The following BRINP3 variants were observed in gnomAD, a reference collection of about 807,000 sequenced individuals.
The protein encoded by BRINP3 is BMP/retinoic acid-inducible neural-specific protein 3.
A neutral mutation model predicts 71.0 loss-of-function variants in BRINP3; 19 were observed. That is an observed-to-expected ratio of 0.27 (90% CI 0.19 to 0.39). BRINP3 has a LOEUF of 0.39. BRINP3 is among the 10% of genes least tolerant of loss of function. BRINP3 has a pLI of 1.00. For missense variants in BRINP3, 959 were observed against 940.8 expected, an observed-to-expected ratio of 1.02 and a Z score of -0.25; for synonymous variants, 380 against 337.7, an observed-to-expected ratio of 1.13 and a Z score of -1.37.
intron 2 of BRINP3, among the ~76,000 whole-genome samples, chr1:190,450,334 C>T (rs573401019): frequency 1.1e-4 from 16 of 152,190 alleles, no homozygotes; most frequent in East Asian, 9.7e-4. Flanking sequence ...TTTTGCTAGT[C>T]TTATAACTTT....
chr1:190,415,167 A>C (rs1672932502), intron 2 of BRINP3, among the ~76,000 whole-genome samples: 1 of 152,222 alleles, frequency 6.6e-6, no homozygotes, highest in Non-Finnish European at 1.5e-5. Context: ...TTTCTTTTGC[A>C]TCAACTGGCT....
intron 2 of BRINP3, among the ~76,000 whole-genome samples, chr1:190,376,268 TAAATGCTTTCTAG>T (rs914916763): frequency 6.6e-6 from 1 of 152,038 alleles, no homozygotes; most frequent in African/African-American, 2.4e-5. Context: ...CTGTTTTGAC[TAAATGCTTTCTAG>T]AAATTGCATC....
intron 6 of BRINP3, 146 bp downstream of exon 6, chr1:190,225,935 TA>T: frequency 1.6e-6 from 1 of 606,648 alleles, no homozygotes. Flanking sequence ...TAACCAGTAG[TA>T]AAAGCAATGA....
chr1:190,233,034 C>T (rs1257170465), intron 5 of BRINP3, among the ~76,000 whole-genome samples: 4 of 152,012 alleles, frequency 2.6e-5, no homozygotes, highest in Admixed American at 6.6e-5. Flanking sequence ...ACTTTTAATA[C>T]AACTCAAAAT....
intron 2 of BRINP3, among the ~76,000 whole-genome samples, chr1:190,349,430 A>G (rs1668230408): frequency 6.6e-6 from 1 of 152,106 alleles, no homozygotes; most frequent in South Asian, 2.1e-4. Context: ...GAGGTGAATG[A>G]ATCCAAACCC....
In BRINP3 at chr1:190,316,481, G is replaced by T. The variant is rs78861343; in HGVS notation, c.237-34731C>A. On this transcript the variant is annotated intron_variant, in intron 2 of 7. Coordinates refer to ENST00000367462, the MANE Select transcript of BRINP3 (RefSeq NM_199051.3). ...AATAAGTTGCTGCTGACCCTGGAAAGGTGTATTTCAAAGTAGCAGTGGGAA... is the reference window on the plus strand; with the variant it reads ...AATAAGTTGCTGCTGACCCTGGAAATGTGTATTTCAAAGTAGCAGTGGGAA... Among the ~76,000 whole-genome samples, 14 of 152,102 alleles carry T rather than the reference G, an allele frequency of 9.2e-5. No homozygotes were observed. The East Asian group carries it at 2.7e-3, about 29-fold the overall frequency.
chr1:190,416,387 C>T (rs914469381), intron 2 of BRINP3, among the ~76,000 whole-genome samples: 4 of 152,002 alleles, frequency 2.6e-5, no homozygotes, highest in Non-Finnish European at 5.9e-5. Context: ...CACCACTTGC[C>T]CAAGAGCCCC....
At chr1:190,464,547 T>C (rs1336780730) in intron 1 of BRINP3, among the ~76,000 whole-genome samples, 2 of 152,014 alleles carry the variant, frequency 1.3e-5, no homozygotes, top group African/African-American at 4.8e-5. Context: ...TTAGGCATAG[T>C]AACTTTTTGG....
chr1:190,469,576 A>G (rs541709224), intron 1 of BRINP3, among the ~76,000 whole-genome samples: 4 of 151,124 alleles, frequency 2.6e-5, no homozygotes, highest in Non-Finnish European at 6.0e-5. Flanking sequence ...CATGTCTGAA[A>G]AAAACAGTAT....
At chr1:190,276,201 AT>A (rs1662539178) in intron 3 of BRINP3, among the ~76,000 whole-genome samples, 1 of 151,632 alleles carries the variant, frequency 6.6e-6, no homozygotes, top group Admixed American at 6.6e-5. Context: ...AATTATTCAT[AT>A]TTCTTTAAGA....
intron 2 of BRINP3, among the ~76,000 whole-genome samples, chr1:190,443,820 A>G (rs1675005045): frequency 6.6e-6 from 1 of 152,160 alleles, no homozygotes; most frequent in Non-Finnish European, 1.5e-5. Flanking sequence ...TGGCCAATCA[A>G]GGCCCAACTT....
intron 7 of BRINP3, among the ~76,000 whole-genome samples, chr1:190,113,352 C>T (rs939245908): frequency 3.3e-5 from 5 of 152,080 alleles, no homozygotes; most frequent in Non-Finnish European, 5.9e-5. Context: ...GAGAATTATG[C>T]AATGTCACTT....
intron 3 of BRINP3, among the ~76,000 whole-genome samples, chr1:190,276,394 A>G (rs1465990169): frequency 2.0e-5 from 3 of 151,748 alleles, no homozygotes; most frequent in Non-Finnish European, 4.4e-5. Flanking sequence ...TATACAGAAC[A>G]TAATTCACAT....
chr1:190,420,701 A>G (rs1673319609), intron 2 of BRINP3, among the ~76,000 whole-genome samples: 1 of 151,954 alleles, frequency 6.6e-6, no homozygotes, highest in African/African-American at 2.4e-5. Flanking sequence ...TAGTCTTCAA[A>G]CTATCATCCT....
At chr1:190,248,540 T>G (rs1659826876) in intron 4 of BRINP3, among the ~76,000 whole-genome samples, 1 of 151,802 alleles carries the variant, frequency 6.6e-6, no homozygotes, top group African/African-American at 2.4e-5. Context: ...TTCAGAATTT[T>G]TGTATTTCTA....
intron 6 of BRINP3, among the ~76,000 whole-genome samples, chr1:190,212,229 A>G (rs913452729): frequency 6.6e-6 from 1 of 152,144 alleles, no homozygotes; most frequent in African/African-American, 2.4e-5. Flanking sequence ...ATTTAGAATT[A>G]GACTTTTATA....
intron 2 of BRINP3, among the ~76,000 whole-genome samples, chr1:190,308,577 G>T (rs918738270): frequency 3.3e-5 from 5 of 151,738 alleles, no homozygotes; most frequent in Non-Finnish European, 4.4e-5. Context: ...CACCAGCATA[G>T]CACATGTATA....
At chr1:190,110,326 A>G (rs1008302405) in intron 7 of BRINP3, among the ~76,000 whole-genome samples, 1 of 152,168 alleles carries the variant, frequency 6.6e-6, no homozygotes, top group Non-Finnish European at 1.5e-5. Context: ...AAGGCACATA[A>G]AATATTGTGA....
intron 1 of BRINP3, among the ~76,000 whole-genome samples, chr1:190,463,611 A>G (rs1164542578): frequency 6.6e-6 from 1 of 151,868 alleles, no homozygotes; most frequent in Non-Finnish European, 1.5e-5. Flanking sequence ...GTGTAAAAAC[A>G]CAGATTTTCA....
Sources: gnomAD v4.1 joint callset for allele counts (sites outside exome capture counted in the v4.1 genomes callset) on GRCh38, gnomAD v4.1.1 for gene constraint, MANE v1.5 for transcripts, NCBI Gene and HGNC (gene_info 2026-07-23, HGNC 2026-07-21) for gene names.